The following SHISAL1 variants were observed in gnomAD, a reference collection of about 807,000 sequenced individuals.
The protein encoded by SHISAL1 is protein shisa-like-1.
In SHISAL1, 9 loss-of-function variants were observed where a neutral mutation model predicts 22.6. That is an observed-to-expected ratio of 0.40 (90% CI 0.24 to 0.70). The LOEUF (loss-of-function observed/expected upper bound fraction) is 0.70, where lower values mean the gene tolerates loss of function less well. Ranked by LOEUF, SHISAL1 falls within the 30% of genes least tolerant of loss-of-function variation. The pLI is 0.39. For synonymous variants in SHISAL1, 119 were observed against 115.4 expected (o/e 1.03, Z -0.20); for missense variants, 246 against 270.6 (o/e 0.91, Z 0.64).
chr22:44,245,331 C>T lies in SHISAL1; in HGVS notation c.*4354G>A, dbSNP rs1177968886. ...TCCTTCCTTCCTTCTTACCTACCTACCTAGACAGAGTCTCACTCTGTTGCC... is the reference window on the plus strand; with the variant it reads ...TCCTTCCTTCCTTCTTACCTACCTATCTAGACAGAGTCTCACTCTGTTGCC... On this transcript the variant is annotated 3_prime_UTR_variant, in exon 5 of 5. Coordinates refer to ENST00000381176, the MANE Select transcript of SHISAL1 (RefSeq NM_001099294.2). 6 of 152,352 alleles carry T rather than the reference C, an allele frequency of 3.9e-5. No individual in the cohort carries two copies. Among genetic ancestry groups the T allele is most frequent in the African/African-American group, 1.2e-4 (5 of 41,446 alleles). The allele number at this position is 152,352 out of a possible 1,614,324, so 9.4% of individuals were successfully genotyped here.
At chr22:44,296,521 T>C in intron 3 of SHISAL1, 151 bp downstream of exon 3, 2 of 660,010 alleles carry the variant, frequency 3.0e-6, no homozygotes, top group Non-Finnish European at 5.3e-6. Flanking sequence ...CCGAAAACCC[T>C]GGTCATCCAA....
chr22:44,249,547 C>T lies in SHISAL1; in HGVS notation c.*138G>A. On this transcript the variant is annotated 3_prime_UTR_variant, in exon 5 of 5. Coordinates refer to ENST00000381176, the MANE Select transcript of SHISAL1 (RefSeq NM_001099294.2). The stretch of plus-strand genomic sequence containing the variant: ...GAAGTCCGCGGAAGGGGGCTTTGGG[C>T]ACAGGCAGCATTTCCTCCTGTGCCA... The T allele has an allele frequency of 7.5e-6, 5 of 666,286 alleles. No homozygotes were observed. Among genetic ancestry groups the T allele is most frequent in the Non-Finnish European group, 1.4e-5 (5 of 359,412 alleles). The allele number at this position is 666,286 out of a possible 1,614,324, so 41.3% of individuals were successfully genotyped here.
upstream of SHISAL1, among the ~76,000 whole-genome samples, chr22:44,313,605 T>TGTG (rs2147314193): frequency 6.6e-6 from 1 of 152,306 alleles, no homozygotes; most frequent in African/African-American, 2.4e-5. Context: ...CATCAGTGGC[T>TGTG]TCCATGACTG....
At chr22:44,258,514 A>G (rs1270331349) in intron 4 of SHISAL1, among the ~76,000 whole-genome samples, 2 of 151,964 alleles carry the variant, frequency 1.3e-5, no homozygotes, top group South Asian at 2.1e-4. Flanking sequence ...GTTCCCCTCT[A>G]TGTATCCATG....
At chr22:44,327,874 G>A in the SHISAL1 span, among the ~76,000 whole-genome samples, 2 of 152,148 alleles carry the variant, frequency 1.3e-5, no homozygotes, top group East Asian at 3.9e-4. Flanking sequence ...CCTGTTTAGT[G>A]TTTAGGAAAC....
chr22:44,257,931 G>A (rs140848084), intron 4 of SHISAL1, among the ~76,000 whole-genome samples: 3,352 of 152,286 alleles, frequency 0.022, 165 homozygotes, highest in East Asian at 0.19. Context: ...CACCAGGTCA[G>A]GAGTTCGAAA....
At position 44,296,940 on chromosome 22, in the gene SHISAL1, A is replaced by G. The variant is rs911172087; in HGVS notation, c.68-55T>C. On this transcript the variant is annotated intron_variant, in intron 2 of 4. Transcript: ENST00000381176. ...GGTCCCTCACCAGTCCACGGGTGCCAAGAGGCAGGGGGACTGGCCGGCCTC... is the reference window on the plus strand; with the variant it reads ...GGTCCCTCACCAGTCCACGGGTGCCGAGAGGCAGGGGGACTGGCCGGCCTC... The G allele has an allele frequency of 3.5e-6, 5 of 1,428,506 alleles. No individual in the cohort carries two copies. In the African/African-American group the frequency reaches 5.6e-5, roughly 16 times the overall value. The allele number at this position is 1,428,506 out of a possible 1,614,324, so 88.5% of individuals were successfully genotyped here. A position where few individuals can be genotyped will look rare whatever the true frequency, so the allele number is the denominator to read the frequency against.
At chr22:44,287,249 C>T (rs753147229) in intron 3 of SHISAL1, among the ~76,000 whole-genome samples, 13 of 152,202 alleles carry the variant, frequency 8.5e-5, no homozygotes, top group African/African-American at 2.4e-4. Context: ...TCAGCCCTGG[C>T]GCCAGCAGTG....
At chr22:44,292,330 C>T (rs2055358537) in intron 3 of SHISAL1, among the ~76,000 whole-genome samples, 2 of 152,202 alleles carry the variant, frequency 1.3e-5, no homozygotes, top group Non-Finnish European at 2.9e-5. Context: ...CTGGAACATC[C>T]AGCCTTTTAG....
chr22:44,257,445 G>A (rs560681579), intron 4 of SHISAL1, among the ~76,000 whole-genome samples: 3 of 152,138 alleles, frequency 2.0e-5, no homozygotes, highest in East Asian at 1.9e-4. Context: ...ATTGAGATTC[G>A]AAATTCATGA....
At position 44,280,272 on chromosome 22, in the gene SHISAL1, T is replaced by C. The variant is rs185106328; in HGVS notation, c.599+5156A>G. Among the ~76,000 whole-genome samples the C allele has an allele frequency of 1.1e-3, 168 of 151,944 alleles. 1 individual carries two copies. Among genetic ancestry groups the C allele is most frequent in the African/African-American group, 3.9e-3 (160 of 41,434 alleles). On this transcript the variant is annotated intron_variant, in intron 4 of 4. Transcript: ENST00000381176. ...AGTGAGGTGGGGGGAGGCTCTGAGA[T>C]AGGTGAGGCCCAGGTGGCAGTCGGC...
the SHISAL1 span, among the ~76,000 whole-genome samples, chr22:44,327,245 CACACACACACACA>C: frequency 3.7e-4 from 13 of 34,884 alleles, no homozygotes; most frequent in Admixed American, 1.5e-3. Context: ...GGCGCGCACA[CACACACACACACA>C]CACACACACA....
chr22:44,318,629 T>C, the SHISAL1 span, among the ~76,000 whole-genome samples: 1 of 152,202 alleles, frequency 6.6e-6, no homozygotes, highest in African/African-American at 2.4e-5. Flanking sequence ...GGTGTGAGGA[T>C]TAAATGAGAT....
At chr22:44,258,436 A>G (rs2055099375) in intron 4 of SHISAL1, among the ~76,000 whole-genome samples, 1 of 152,176 alleles carries the variant, frequency 6.6e-6, no homozygotes, top group African/African-American at 2.4e-5. Context: ...CCTAGTACCC[A>G]TTAGTTATTT....
intron 3 of SHISAL1, among the ~76,000 whole-genome samples, chr22:44,287,569 A>C (rs1601794538): frequency 6.7e-6 from 1 of 150,280 alleles, no homozygotes; most frequent in African/African-American, 2.5e-5. Flanking sequence ...AGCCCCCACC[A>C]CCATGAAGCC....
In SHISAL1 at chr22:44,279,473, C is replaced by T. The variant is rs183144376; in HGVS notation, c.599+5955G>A. ...TGGCACCCTCCCTGCAGAAACCACA[C>T]GCCAAGGACCCTGGCTGCAGAGCCA... is the stretch of plus-strand genomic sequence containing the variant. On this transcript the variant is annotated intron_variant, in intron 4 of 4. Coordinates refer to ENST00000381176, the MANE Select transcript of SHISAL1 (RefSeq NM_001099294.2). Among the ~76,000 whole-genome samples the T allele has an allele frequency of 5.8e-4, 89 of 152,348 alleles. 1 individual carries two copies. The highest frequency in any genetic ancestry group is 1.6e-3 in the Admixed American group (24 of 15,308).
At chr22:44,291,137 G>A (rs1363252974) in intron 3 of SHISAL1, among the ~76,000 whole-genome samples, 3 of 152,186 alleles carry the variant, frequency 2.0e-5, no homozygotes, top group South Asian at 2.1e-4. Flanking sequence ...TTAGAGACAC[G>A]ACGTGTGTGG....
chr22:44,308,498 C>G (rs1377256910), intron 1 of SHISAL1, among the ~76,000 whole-genome samples: 1 of 152,222 alleles, frequency 6.6e-6, no homozygotes, highest in African/African-American at 2.4e-5. Flanking sequence ...CTAGGACCAC[C>G]CTTCCCCTCT....
At chr22:44,285,276 A>G (rs2055304914) in intron 4 of SHISAL1, 152 bp downstream of exon 4, 1 of 801,008 alleles carries the variant, frequency 1.2e-6, no homozygotes, top group South Asian at 1.7e-5. Flanking sequence ...GGCTACCCAT[A>G]ACAGTTTGAA....
Sources: gnomAD v4.1 joint callset for allele counts (sites outside exome capture counted in the v4.1 genomes callset) on GRCh38, gnomAD v4.1.1 for gene constraint, MANE v1.5 for transcripts, NCBI Gene and HGNC (gene_info 2026-07-23, HGNC 2026-07-21) for gene names.